BIN2: variants seen among roughly 807,000 people sequenced by gnomAD.
BIN2 encodes the protein bridging integrator 2.
Under a neutral mutation model 67.9 loss-of-function variants are expected in BIN2, and 43 were observed. The observed-to-expected ratio is 0.63, with a 90% CI of 0.50 to 0.82. The LOEUF (loss-of-function observed/expected upper bound fraction) is 0.82, where lower values mean the gene tolerates loss of function less well. Ranked by LOEUF, BIN2 falls within the 40% of genes least tolerant of loss-of-function variation. The pLI, the probability that BIN2 is intolerant of heterozygous loss-of-function variation, is 0.00. For synonymous variants in BIN2, 244 were observed against 246.8 expected (o/e 0.99, Z 0.11); for missense variants, 581 against 671.6 (o/e 0.87, Z 1.49).
chr12:51,281,404 T>C lies in BIN2; in HGVS notation c.*95A>G. The stretch of plus-strand genomic sequence containing the variant: ...AGCATTCCTACTGAGAACCCAGGGA[T>C]GGATGCTGGCTCTTATATCCCTCTG... On this transcript the variant is annotated 3_prime_UTR_variant, in exon 13 of 13. Transcript: ENST00000615107. 1 of 1,346,808 alleles carries C rather than the reference T, an allele frequency of 7.4e-7. No homozygotes were observed. The highest frequency in any genetic ancestry group is 1.4e-5 in the African/African-American group (1 of 69,570). 83.4% of individuals were successfully genotyped at this position (1,346,808 alleles called of 1,614,324 possible).
chr12:51,311,569 C>T (rs544913520), intron 2 of BIN2, among the ~76,000 whole-genome samples: 29 of 151,318 alleles, frequency 1.9e-4, no homozygotes, highest in African/African-American at 6.6e-4. Context: ...TTTGTAGAGA[C>T]GGGATCTTGC....
chr12:51,288,430 A>T (rs1458910411), intron 10 of BIN2, among the ~76,000 whole-genome samples: 3 of 152,106 alleles, frequency 2.0e-5, no homozygotes, highest in African/African-American at 4.8e-5. Context: ...GTCACCGCTG[A>T]CTGCTCTATA....
At chr12:51,286,441 G>A (rs953300437) in intron 11 of BIN2, among the ~76,000 whole-genome samples, 3 of 152,120 alleles carry the variant, frequency 2.0e-5, no homozygotes, top group African/African-American at 7.2e-5. Flanking sequence ...AGTGTATCCT[G>A]TACCTCTTTT....
chr12:51,287,979 G>A (rs955938874), intron 11 of BIN2, 129 bp downstream of exon 11: 1 of 656,014 alleles, frequency 1.5e-6, no homozygotes, highest in Non-Finnish European at 2.6e-6. Flanking sequence ...TGCTCTGTTA[G>A]GGCCCTCAGT....
At chr12:51,320,066 A>C (rs1165642533) in intron 1 of BIN2, among the ~76,000 whole-genome samples, 1 of 151,764 alleles carries the variant, frequency 6.6e-6, no homozygotes, top group Non-Finnish European at 1.5e-5. Context: ...GCTCACTGCA[A>C]CCTCCACCTC....
rs59849382 is a variant in BIN2, at chr12:51,320,952, CAA to C, written c.81+3068_81+3069del. Among the ~76,000 whole-genome samples the C allele has an allele frequency of 1.3e-3, 191 of 151,434 alleles. 5 individuals are homozygous for C. The highest frequency in any genetic ancestry group is 1.8e-3 in the African/African-American group (75 of 41,252). ...CATACTAAAAACACACACACACACA[CAA>C]ACACACACACACACACTCTAAAGCC... On this transcript the variant is annotated intron_variant, in intron 1 of 12. Transcript: ENST00000615107.
At chr12:51,304,479 C>G (rs552000231) in intron 2 of BIN2, among the ~76,000 whole-genome samples, 1 of 152,274 alleles carries the variant, frequency 6.6e-6, no homozygotes, top group South Asian at 2.1e-4. Context: ...GAATTTAAGG[C>G]CAGACATCTG....
At chr12:51,314,237 G>C (rs147718817) in intron 1 of BIN2, among the ~76,000 whole-genome samples, 1 of 151,410 alleles carries the variant, frequency 6.6e-6, no homozygotes, top group Admixed American at 6.6e-5. Flanking sequence ...TAGTAGAGAC[G>C]GGGTTTCACC....
rs1433994508 is a variant in BIN2 at position 51,285,708 on chromosome 12, C to A, written c.1597-921G>T. Among the ~76,000 whole-genome samples, 12 of 151,004 alleles carry A rather than the reference C, an allele frequency of 7.9e-5. 1 individual carries two copies. Among genetic ancestry groups the A allele is most frequent in the Non-Finnish European group, 1.5e-5 (1 of 67,870 alleles). ...GCGTGATCTTGGTTCACTGCAACCT[C>A]CACCTCCCAGGTTCAAGCGATTCTC... is the stretch of plus-strand genomic sequence containing the variant. On this transcript the variant is annotated intron_variant, in intron 11 of 12. Coordinates refer to ENST00000615107, the MANE Select transcript of BIN2 (RefSeq NM_016293.4).
At position 51,308,193 on chromosome 12, in the gene BIN2, C is replaced by T. The variant is rs576378182; in HGVS notation, c.163-5052G>A. 1.2e-4 allele frequency among the ~76,000 whole-genome samples: 19 copies of T among 152,268 alleles called. No homozygotes were observed. In the East Asian group the frequency reaches 3.7e-3, roughly 29 times the overall value. ...GATGTGACTCTCATAGTCTTGGGTT[C>T]TCGCTTGTCTGGGAGTCAAGAAACT... On this transcript the variant is annotated intron_variant, in intron 2 of 12. Transcript: ENST00000615107.
At chr12:51,319,958 TTTCC>T (rs1228694838) in intron 1 of BIN2, among the ~76,000 whole-genome samples, 4 of 151,734 alleles carry the variant, frequency 2.6e-5, no homozygotes, top group Admixed American at 6.6e-5. Flanking sequence ...AATCTTTCTC[TTTCC>T]TTCCTTCCTT....
chr12:51,299,626 T>A lies in BIN2; in HGVS notation c.497A>T (p.Asp166Val). 1 of 1,614,138 alleles carries A rather than the reference T, an allele frequency of 6.2e-7. No individual in the cohort carries two copies. Among genetic ancestry groups the A allele is most frequent in the Non-Finnish European group, 8.5e-7 (1 of 1,180,016 alleles). Residue 166 changes from aspartate to valine, a missense_variant, in exon 6 of 13, where the codon GAT (aspartate) becomes GTT (valine). Physicochemically the swap from Asp to Val is radical, Grantham distance 152. Transcript: ENST00000615107. ...LEAVQNAKKK[D>V]EAKTAKAEEE... ...TTTTACCTTGGCAGTCTTGGCCTCA[T>A]CTTTCTTCTTGGCATTCTGCACTGC...
At chr12:51,295,554 C>G (rs1436683610) in intron 9 of BIN2, among the ~76,000 whole-genome samples, 1 of 104,006 alleles carries the variant, frequency 9.6e-6, no homozygotes, top group Non-Finnish European at 1.9e-5. Context: ...CAGAGTGAGA[C>G]TCCGTCTCAA....
At chr12:51,284,345 C>A (rs1460355845) in intron 12 of BIN2, among the ~76,000 whole-genome samples, 1 of 152,142 alleles carries the variant, frequency 6.6e-6, no homozygotes, top group Non-Finnish European at 1.5e-5. Flanking sequence ...CACATAATGA[C>A]AAAATCGTCT....
At chr12:51,300,811 T>G (rs3858637) in intron 5 of BIN2, among the ~76,000 whole-genome samples, 12,836 of 152,310 alleles carry the variant, frequency 0.084, 585 homozygotes, top group Non-Finnish European at 0.11. Flanking sequence ...GACAACTCAC[T>G]ATCTTTGAGT....
At chr12:51,320,694 C>A (rs11837662) in intron 1 of BIN2, among the ~76,000 whole-genome samples, 17 of 150,438 alleles carry the variant, frequency 1.1e-4, no homozygotes, top group African/African-American at 3.7e-4. Context: ...ATGTCTCTTA[C>A]CCCTAAATTC....
intron 2 of BIN2, among the ~76,000 whole-genome samples, chr12:51,306,236 A>G (rs1351286552): frequency 6.6e-6 from 1 of 152,226 alleles, no homozygotes; most frequent in Non-Finnish European, 1.5e-5. Flanking sequence ...ATGAGGACAC[A>G]GTCTTAAAGG....
In BIN2 at chr12:51,281,487, G is replaced by A. The variant is rs200333904; in HGVS notation, c.*12C>T. 1 of 1,613,516 alleles carries A rather than the reference G, an allele frequency of 6.2e-7. No homozygotes were observed. Among genetic ancestry groups the A allele is most frequent in the East Asian group, 2.2e-5 (1 of 44,874 alleles). On this transcript the variant is annotated 3_prime_UTR_variant, in exon 13 of 13. Coordinates refer to ENST00000615107, the MANE Select transcript of BIN2 (RefSeq NM_016293.4). ...CGAGGTTTGGGGCAGGAGGAGTCTT[G>A]GTAGTTTCTCTTCAGAGTTGTGGAT...
At chr12:51,292,619 T>C (rs2137362894) in intron 9 of BIN2, among the ~76,000 whole-genome samples, 1 of 152,246 alleles carries the variant, frequency 6.6e-6, no homozygotes, top group South Asian at 2.1e-4. Context: ...CAAAGATTAA[T>C]GGGTGATATA....
Sources: gnomAD v4.1 joint callset for allele counts (sites outside exome capture counted in the v4.1 genomes callset) on GRCh38, gnomAD v4.1.1 for gene constraint, MANE v1.5 for transcripts, NCBI Gene and HGNC (gene_info 2026-07-23, HGNC 2026-07-21) for gene names.